Variants in LMAN1 observed in about 807,000 individuals in gnomAD.
LMAN1 encodes protein ERGIC-53.
In LMAN1, 32 loss-of-function variants were observed where a neutral mutation model predicts 67.8. That is an observed-to-expected ratio of 0.47 (90% CI 0.36 to 0.63). The LOEUF is 0.63. LMAN1 is among the 30% of genes least tolerant of loss of function. The probability of loss-of-function intolerance (pLI) is 0.00; values close to 1 mark genes in which losing one functional copy is unlikely to be tolerated. For missense variants in LMAN1, 632 were observed against 628.2 expected (o/e 1.01, Z -0.06); for synonymous variants, 235 against 219.3 (o/e 1.07, Z -0.63).
rs752469215 is a variant in LMAN1, at chr18:59,329,176, A to T, written c.*1917T>A. ...CTACTTTGCTGAGTGATTTTCAAGC[A>T]AAGTATATCACTAAGTATAAAAGAT... On this transcript the variant is annotated 3_prime_UTR_variant, in exon 13 of 13. Coordinates refer to ENST00000251047, the MANE Select transcript of LMAN1 (RefSeq NM_005570.4). 1 of 152,230 alleles carries T rather than the reference A, an allele frequency of 6.6e-6. No homozygotes were observed. The highest frequency in any genetic ancestry group is 2.4e-5 in the African/African-American group (1 of 41,472). The allele number at this position is 152,230 out of a possible 1,614,324, so 9.4% of individuals were successfully genotyped here. A position where few individuals can be genotyped will look rare whatever the true frequency, so the allele number is the denominator to read the frequency against.
In LMAN1 at chr18:59,345,962, T is replaced by C. The variant is rs553350987; in HGVS notation, c.912A>G (p.Lys304=). The stretch of plus-strand genomic sequence containing the variant: ...CGGGGTGGCCCTTCTGGAATTCCTC[T>C]TTTTTTTTATCCAATTCTTGTTGAA... ...EHFQQELDKK[K]EEFQKGHPDL... Residue 304 remains lysine (K), a synonymous_variant, in exon 8 of 13, where the codon AAA becomes AAG. Transcript: ENST00000251047. 1.2e-6 allele frequency: 2 copies of C among 1,604,864 alleles called. No homozygotes were observed. Among genetic ancestry groups the C allele is most frequent in the Admixed American group, 1.7e-5 (1 of 59,750 alleles).
chr18:59,337,123 A>G (rs35493862), intron 10 of LMAN1, among the ~76,000 whole-genome samples: 13,874 of 149,770 alleles, frequency 0.093, 774 homozygotes, highest in Middle Eastern at 0.15. Flanking sequence ...GAGTGATCAC[A>G]GCCAACATCA....
At chr18:59,337,505 T>C (rs946794529) in intron 10 of LMAN1, among the ~76,000 whole-genome samples, 1 of 152,142 alleles carries the variant, frequency 6.6e-6, no homozygotes, top group Non-Finnish European at 1.5e-5. Flanking sequence ...GTTATATAAA[T>C]TAGAGAAAGA....
rs2070738048 is a variant in LMAN1, at chr18:59,330,056, G to C, written c.*1037C>G. On this transcript the variant is annotated 3_prime_UTR_variant, in exon 13 of 13. Transcript: ENST00000251047. ...ATGTCCTTAGTTCTGGCACTAAAAG[G>C]AAACAATTAGAAGTATTCACTGTTT... The C allele has an allele frequency of 1.3e-5, 2 of 152,266 alleles. No homozygotes were observed. The highest frequency in any genetic ancestry group is 2.9e-5 in the Non-Finnish European group (2 of 67,974). 9.4% of individuals were successfully genotyped at this position (152,266 alleles called of 1,614,324 possible).
At chr18:59,357,358 T>C (rs764340444) in intron 1 of LMAN1, among the ~76,000 whole-genome samples, 1 of 152,158 alleles carries the variant, frequency 6.6e-6, no homozygotes, top group African/African-American at 2.4e-5. Flanking sequence ...ATGTAGTGTA[T>C]GTGAGTGTGA....
intron 5 of LMAN1, chr18:59,352,619 A>G (rs1908567912): frequency 6.3e-6 from 1 of 159,866 alleles, no homozygotes; most frequent in African/African-American, 2.4e-5. Context: ...GAGTACACCC[A>G]CTCACTCGCA....
intron 10 of LMAN1, among the ~76,000 whole-genome samples, chr18:59,337,377 T>C (rs1379490368): frequency 6.6e-6 from 1 of 152,068 alleles, no homozygotes; most frequent in Non-Finnish European, 1.5e-5. Flanking sequence ...CGATTGTGGA[T>C]GGGATCCTGG....
chr18:59,342,825 T>C (rs1343194996), intron 8 of LMAN1, among the ~76,000 whole-genome samples: 1 of 151,548 alleles, frequency 6.6e-6, no homozygotes, highest in Non-Finnish European at 1.5e-5. Flanking sequence ...GAGAAAAAAA[T>C]AAAAGGCATC....
chr18:59,355,368 G>A lies in LMAN1; in HGVS notation c.422C>T (p.Ala141Val). 1 of 1,614,062 alleles carries A rather than the reference G, an allele frequency of 6.2e-7. No individual in the cohort carries two copies. The highest frequency in any genetic ancestry group is 8.5e-7 in the Non-Finnish European group (1 of 1,179,970). The change falls in exon 3 of 13, where the codon GCT becomes GTT. Residue 141 changes from alanine (A) to valine (V), a missense_variant. Coordinates refer to ENST00000251047, the MANE Select transcript of LMAN1 (RefSeq NM_005570.4). Reference protein sequence around the residue: ...QGLEGPVFGSADLWNGVGIFF... With the variant: ...QGLEGPVFGSVDLWNGVGIFF... ...TATTCCAACACCATTCCACAGATCA[G>A]CTGATCCAAACACAGGGCCCTCCAA...
chr18:59,331,554 A>C lies in LMAN1; in HGVS notation c.1375-15T>G. The C allele has an allele frequency of 6.2e-7, 1 of 1,612,520 alleles. No homozygotes were observed. The highest frequency in any genetic ancestry group is 8.5e-7 in the Non-Finnish European group (1 of 1,178,716). On this transcript the variant is annotated splice_polypyrimidine_tract_variant and intron_variant, in intron 11 of 12. Coordinates refer to ENST00000251047, the MANE Select transcript of LMAN1 (RefSeq NM_005570.4). ...TCATTTGATGGCTGTAAGGCAAATG[A>C]CTTTCTATTACAGTTAGTCAAAATA...
At chr18:59,346,135 T>A in intron 7 of LMAN1, 84 bp from the exon 8 acceptor site, 1 of 1,178,562 alleles carries the variant, frequency 8.5e-7, no homozygotes, top group South Asian at 1.4e-5. Flanking sequence ...TTTCTCATTT[T>A]AACTCTTCTA....
At chr18:59,338,664 C>A in intron 9 of LMAN1, 37 bp from the exon 10 acceptor site, 1 of 1,606,844 alleles carries the variant, frequency 6.2e-7, no homozygotes, top group East Asian at 2.2e-5. Context: ...GCTGAATAAT[C>A]CACATTCTAT....
At position 59,354,317 on chromosome 18, in the gene LMAN1, G is replaced by T. The variant is rs7243056; in HGVS notation, c.539+202C>A. 0.23 allele frequency among the ~76,000 whole-genome samples: 34,969 copies of T among 152,000 alleles called. 4,198 individuals are homozygous for T. Among genetic ancestry groups the T allele is most frequent in the Non-Finnish European group, 0.27 (18,141 of 67,958 alleles). ...GGTTAAATTAAAAACACATACCATG[G>T]TTGAATCTGAGATGGTCCACAGATA... On this transcript the variant is annotated intron_variant, in intron 4 of 12. Transcript: ENST00000251047.
In LMAN1 at chr18:59,330,788, G is replaced by T. The variant is rs2070742849; in HGVS notation, c.*305C>A. ...AACCTGCAATATTGGAGACTTAGGGGGTAACATTCATATCCAGGGGTTGCC... is the reference window on the plus strand; with the variant it reads ...AACCTGCAATATTGGAGACTTAGGGTGTAACATTCATATCCAGGGGTTGCC... On this transcript the variant is annotated 3_prime_UTR_variant, in exon 13 of 13. Transcript: ENST00000251047. The T allele has an allele frequency of 5.8e-6, 2 of 346,380 alleles. No homozygotes were observed. Among genetic ancestry groups the T allele is most frequent in the Non-Finnish European group, 5.3e-6 (1 of 189,600 alleles). 21.5% of individuals were successfully genotyped at this position (346,380 alleles called of 1,614,324 possible).
Position 59,333,139 on chromosome 18 carries a change from G to T in LMAN1, c.1326C>A (p.His442Gln), listed in dbSNP as rs1398279686. The T allele has an allele frequency of 6.2e-7, 1 of 1,613,620 alleles. No homozygotes were observed. The highest frequency in any genetic ancestry group is 8.5e-7 in the Non-Finnish European group (1 of 1,179,714). ...CTATGTCCCTCTTTACTATGTGCAG[G>T]TGCTCTTTGATGTCAATGAAGTGCT... ...TTQHFIDIKE[H>Q]LHIVKRDIDN... The change falls in exon 11 of 13, where the codon CAC becomes CAA. Residue 442 changes from histidine to glutamine, a missense_variant. His to Gln is a conservative substitution (Grantham distance 24). Transcript: ENST00000251047.
chr18:59,332,250 G>C (rs187768169), intron 11 of LMAN1, among the ~76,000 whole-genome samples: 58 of 152,082 alleles, frequency 3.8e-4, no homozygotes, highest in Non-Finnish European at 7.1e-4. Flanking sequence ...GACAATGTAC[G>C]AGAAAAATAA....
chr18:59,341,592 T>C (rs1157759150), intron 8 of LMAN1, among the ~76,000 whole-genome samples: 3 of 152,154 alleles, frequency 2.0e-5, no homozygotes, highest in Non-Finnish European at 4.4e-5. Flanking sequence ...AGCATGCTCC[T>C]GAACATTCAC....
At chr18:59,352,546 A>T (rs1391368448) in intron 5 of LMAN1, 5 of 153,778 alleles carry the variant, frequency 3.3e-5, no homozygotes, top group African/African-American at 1.2e-4. Context: ...GCCACACCAA[A>T]CTACATGCCT....
chr18:59,350,376 G>A (rs1908513442), intron 5 of LMAN1, among the ~76,000 whole-genome samples: 2 of 152,164 alleles, frequency 1.3e-5, no homozygotes, highest in Non-Finnish European at 2.9e-5. Context: ...AAAGACTGTA[G>A]ATTATTACAT....
Sources: gnomAD v4.1 joint callset for allele counts (sites outside exome capture counted in the v4.1 genomes callset) on GRCh38, gnomAD v4.1.1 for gene constraint, MANE v1.5 for transcripts, NCBI Gene and HGNC (gene_info 2026-07-23, HGNC 2026-07-21) for gene names.